The following PGS1 variants were observed in gnomAD, a reference collection of about 807,000 sequenced individuals.
PGS1 encodes CDP-diacylglycerol--glycerol-3-phosphate 3-phosphatidyltransferase, mitochondrial.
In PGS1, 44 loss-of-function variants were observed where a neutral mutation model predicts 58.3. The ratio of observed to expected loss-of-function variants is 0.75; its 90% confidence interval spans 0.59 to 0.97. The LOEUF (loss-of-function observed/expected upper bound fraction) is 0.97. PGS1 is among the 50% of genes least tolerant of loss of function. The pLI is 0.00. For synonymous variants in PGS1, 330 were observed against 311.0 expected, an observed-to-expected ratio of 1.06 and a Z score of -0.64; for missense variants, 684 against 731.1, an observed-to-expected ratio of 0.94 and a Z score of 0.74.
chr17:78,378,795 C>G lies in PGS1; in HGVS notation c.130C>G (p.Arg44Gly), dbSNP rs1187257887. ...CGACCGCCTCGGCAGGAACCGGGAC[C>G]GCCAGCGCAGGAGGTGAGAGGGGCG... ...LSDRLGRNRDRQRRRSPWLLL... is the reference protein window; with the variant it reads ...LSDRLGRNRDGQRRRSPWLLL... The change falls in exon 1 of 10, where the codon CGC becomes GGC. Residue 44 changes from arginine (R) to glycine (G), a missense_variant. By Grantham distance (125) the Arg-to-Gly change is moderately radical. Coordinates refer to ENST00000262764, the MANE Select transcript of PGS1 (RefSeq NM_024419.5). 1 of 1,474,002 alleles carries G rather than the reference C, an allele frequency of 6.8e-7. No individual in the cohort carries two copies. The highest frequency in any genetic ancestry group is 1.5e-5 in the African/African-American group (1 of 67,960). 91.3% of individuals were successfully genotyped at this position (1,474,002 alleles called of 1,614,324 possible). A position where few individuals can be genotyped will look rare whatever the true frequency, so the allele number is the denominator to read the frequency against.
At chr17:78,401,771 G>A (rs1350980134) in intron 6 of PGS1, among the ~76,000 whole-genome samples, 1 of 152,238 alleles carries the variant, frequency 6.6e-6, no homozygotes, top group Non-Finnish European at 1.5e-5. Flanking sequence ...AATTTCATCT[G>A]TAAAGAGCTT....
In PGS1 at chr17:78,424,477, A is replaced by G; in HGVS notation, c.*427A>G. 3.1e-6 allele frequency: 1 copy of G among 320,632 alleles called. No homozygotes were observed. Among genetic ancestry groups the G allele is most frequent in the Admixed American group, 4.5e-5 (1 of 22,428 alleles). The allele number at this position is 320,632 out of a possible 1,614,324, so 19.9% of individuals were successfully genotyped here. On this transcript the variant is annotated 3_prime_UTR_variant, in exon 10 of 10. Transcript: ENST00000262764. ...AGTCATAACTCCAGCTAAAAATTAC[A>G]GAGTAAAGTTCCCTGATTCTTAATG...
intron 8 of PGS1, among the ~76,000 whole-genome samples, chr17:78,418,625 TATAA>T (rs779111714): frequency 6.6e-5 from 10 of 152,248 alleles, no homozygotes; most frequent in African/African-American, 1.2e-4. Flanking sequence ...TTTTCCTTGT[TATAA>T]ATATTGTGAT....
chr17:78,389,362 A>G (rs1190703443), intron 1 of PGS1, among the ~76,000 whole-genome samples: 1 of 151,356 alleles, frequency 6.6e-6, no homozygotes, highest in Non-Finnish European at 1.5e-5. Context: ...TAATTTTTGT[A>G]TTTTTAGAGA....
rs1482353163 is a variant in PGS1 at position 78,403,946 on chromosome 17, G to C, written c.1259G>C (p.Gly420Ala). The C allele has an allele frequency of 6.8e-6, 11 of 1,614,048 alleles. No individual in the cohort carries two copies. Among genetic ancestry groups the C allele is most frequent in the Non-Finnish European group, 9.3e-6 (11 of 1,180,026 alleles). The change falls in exon 7 of 10, where the codon GGG becomes GCG. Residue 420 changes from glycine (G) to alanine (A), a missense_variant. Transcript: ENST00000262764. ...TCACCAGAGGTGAATGGCTTCTTTGGGGCCAAGGGGGTGGCCGGCGCCATC... is the reference window on the plus strand; with the variant it reads ...TCACCAGAGGTGAATGGCTTCTTTGCGGCCAAGGGGGTGGCCGGCGCCATC... ...LASPEVNGFF[G>A]AKGVAGAIPA... is the part of the protein sequence containing the mutation.
intron 6 of PGS1, among the ~76,000 whole-genome samples, chr17:78,401,937 A>T (rs1298202249): frequency 6.6e-6 from 1 of 152,154 alleles, no homozygotes; most frequent in Non-Finnish European, 1.5e-5. Context: ...TATGAGAGAA[A>T]ACAGGCCATG....
At chr17:78,401,621 G>A (rs955848297) in intron 6 of PGS1, among the ~76,000 whole-genome samples, 11 of 152,270 alleles carry the variant, frequency 7.2e-5, no homozygotes, top group African/African-American at 2.6e-4. Flanking sequence ...GCGTCTTGTG[G>A]ACCTAGAATG....
In PGS1 at chr17:78,419,775, T is replaced by C. The variant is rs1248442566; in HGVS notation, c.*10+100T>C. The C allele has an allele frequency of 1.9e-5, 30 of 1,567,160 alleles. No individual in the cohort carries two copies. In the East Asian group the frequency reaches 6.9e-4, roughly 36 times the overall value. ...CAACCAGAGCTTCCAGAGGGCTCTT[T>C]GATCCCTTTCTCAGTTAAACACAGA... On this transcript the variant is annotated intron_variant, in intron 9 of 9. Coordinates refer to ENST00000262764, the MANE Select transcript of PGS1 (RefSeq NM_024419.5).
chr17:78,396,246 C>T (rs1379031467), intron 2 of PGS1, 62 bp from the exon 3 acceptor site: 6 of 1,266,268 alleles, frequency 4.7e-6, no homozygotes, highest in African/African-American at 1.5e-5. Flanking sequence ...TCAAAGGGTT[C>T]TGTTTTCTTA....
intron 9 of PGS1, chr17:78,421,890 CAG>C (rs1568016152): frequency 4.1e-5 from 6 of 145,334 alleles, no homozygotes; most frequent in African/African-American, 1.1e-4. Context: ...GCCGGAGCAA[CAG>C]AGAGCAGCGG....
rs1274702696 is a variant in PGS1, at chr17:78,403,872, C to T, written c.1185C>T (p.Tyr395=). 4.3e-6 allele frequency: 7 copies of T among 1,614,084 alleles called. No individual in the cohort carries two copies. The highest frequency in any genetic ancestry group is 5.1e-6 in the Non-Finnish European group (6 of 1,179,994). ...TTGYFNLTQA[Y]MDLVLGTRAE... ...GCTATTTCAACCTGACCCAGGCCTA[C>T]ATGGACCTGGTCTTGGGCACTCGGG... Residue 395 remains tyrosine, a synonymous_variant, in exon 7 of 10, where the codon TAC becomes TAT. Transcript: ENST00000262764.
chr17:78,392,856 A>C (rs1358605613), intron 2 of PGS1, among the ~76,000 whole-genome samples, 191 bp downstream of exon 2: 1 of 152,202 alleles, frequency 6.6e-6, no homozygotes, highest in Non-Finnish European at 1.5e-5. Context: ...CTGTGGGGCC[A>C]GCGTCTCAGG....
chr17:78,393,946 G>A lies in PGS1; in HGVS notation c.333+1281G>A, dbSNP rs2146149401. Reference sequence around the variant, plus strand: ...TGCCTGTAATCCCAGCACTTTGGGAGGCTGAGGCCGGTGGATCACCTGAGG... The same window carrying A: ...TGCCTGTAATCCCAGCACTTTGGGAAGCTGAGGCCGGTGGATCACCTGAGG... On this transcript the variant is annotated intron_variant, in intron 2 of 9. Transcript: ENST00000262764. Among the ~76,000 whole-genome samples the A allele has an allele frequency of 2.0e-5, 3 of 152,074 alleles. No homozygotes were observed. The East Asian group carries it at 5.8e-4, about 29-fold the overall frequency.
intron 7 of PGS1, among the ~76,000 whole-genome samples, chr17:78,413,956 A>C (rs548663007): frequency 2.0e-5 from 3 of 152,162 alleles, no homozygotes; most frequent in Non-Finnish European, 4.4e-5. Flanking sequence ...TTTTTCTCCA[A>C]CTGTGATACT....
chr17:78,385,799 T>C (rs2082343429), intron 1 of PGS1, among the ~76,000 whole-genome samples: 1 of 152,172 alleles, frequency 6.6e-6, no homozygotes, highest in Admixed American at 6.5e-5. Context: ...GTTTGGCTGA[T>C]TATTGTGAGC....
intron 7 of PGS1, among the ~76,000 whole-genome samples, chr17:78,412,006 G>A (rs949821878): frequency 1.5e-5 from 2 of 136,292 alleles, no homozygotes; most frequent in Admixed American, 1.8e-4. Flanking sequence ...CTTGACCTCT[G>A]TAAGGGCTTT....
At chr17:78,401,353 C>T (rs2083647871) in intron 6 of PGS1, among the ~76,000 whole-genome samples, 1 of 152,240 alleles carries the variant, frequency 6.6e-6, no homozygotes, top group Admixed American at 6.5e-5. Context: ...TTCCCCAAGC[C>T]TATCACCTGG....
At chr17:78,410,891 G>A (rs543829439) in intron 7 of PGS1, among the ~76,000 whole-genome samples, 3 of 152,112 alleles carry the variant, frequency 2.0e-5, no homozygotes, top group African/African-American at 4.8e-5. Context: ...GGCATCATTC[G>A]GGACATTGGG....
chr17:78,410,131 A>T (rs578011270), intron 7 of PGS1, among the ~76,000 whole-genome samples: 4 of 150,172 alleles, frequency 2.7e-5, no homozygotes, highest in African/African-American at 9.8e-5. Context: ...AACAAAACAG[A>T]AAAACAAAAT....
Sources: gnomAD v4.1 joint callset for allele counts (sites outside exome capture counted in the v4.1 genomes callset) on GRCh38, gnomAD v4.1.1 for gene constraint, MANE v1.5 for transcripts, NCBI Gene and HGNC (gene_info 2026-07-23, HGNC 2026-07-21) for gene names.